The following SOX6 variants were observed in gnomAD, a reference collection of about 807,000 sequenced individuals.
The protein encoded by SOX6 is transcription factor SOX-6.
Under a neutral mutation model 97.8 loss-of-function variants are expected in SOX6, and 11 were observed. That is an observed-to-expected ratio of 0.11 (90% confidence interval 0.07 to 0.19). SOX6 has a LOEUF of 0.19. Among genes scored for constraint, SOX6 ranks in the 10% least tolerant of loss-of-function variants. The pLI, the probability that SOX6 is intolerant of heterozygous loss-of-function variation, is 1.00. For synonymous variants in SOX6, 360 were observed against 371.4 expected (o/e 0.97, Z 0.35); for missense variants, 810 against 1,039.5 (o/e 0.78, Z 3.04).
At chr11:16,103,665 A>G (rs1488634267) in intron 7 of SOX6, among the ~76,000 whole-genome samples, 1 of 151,970 alleles carries the variant, frequency 6.6e-6, no homozygotes. Flanking sequence ...TGGTATATAT[A>G]TATATACACC....
chr11:16,413,889 A>T (rs978671519), intron 1 of SOX6, among the ~76,000 whole-genome samples: 1 of 152,172 alleles, frequency 6.6e-6, no homozygotes, highest in African/African-American at 2.4e-5. Context: ...TCTTGGGTTG[A>T]GTATGCTCAC....
chr11:16,040,479 A>C (rs754603911), intron 12 of SOX6, among the ~76,000 whole-genome samples: 2 of 152,076 alleles, frequency 1.3e-5, no homozygotes, highest in Non-Finnish European at 2.9e-5. Context: ...AACATTAATA[A>C]AACTTACCTT....
At chr11:16,531,509 T>C (rs1861235887) in intron 4 of SOX6, among the ~76,000 whole-genome samples, 1 of 151,946 alleles carries the variant, frequency 6.6e-6, no homozygotes, top group African/African-American at 2.4e-5. Flanking sequence ...TTAATATATA[T>C]ATCAACCCTA....
intron 6 of SOX6, among the ~76,000 whole-genome samples, chr11:16,126,465 G>T (rs143869026): frequency 2.3e-3 from 357 of 152,192 alleles, no homozygotes; most frequent in Non-Finnish European, 3.8e-3. Flanking sequence ...GTCCAGCTGT[G>T]ACTACTTCCC....
intron 4 of SOX6, among the ~76,000 whole-genome samples, chr11:16,609,605 G>A (rs998719731): frequency 2.0e-5 from 3 of 152,172 alleles, no homozygotes; most frequent in African/African-American, 7.2e-5. Context: ...CATTATCTTT[G>A]AAGAAAACGG....
chr11:16,131,007 G>C (rs76392730), intron 6 of SOX6, among the ~76,000 whole-genome samples: 1 of 151,502 alleles, frequency 6.6e-6, no homozygotes, highest in African/African-American at 2.4e-5. Context: ...ACTGAAAAAC[G>C]TCTAGAAGAA....
intron 6 of SOX6, among the ~76,000 whole-genome samples, chr11:16,166,698 T>A (rs1318360772): frequency 6.6e-6 from 1 of 152,036 alleles, no homozygotes; most frequent in Non-Finnish European, 1.5e-5. Context: ...CTTGACTGAG[T>A]CAGGGGAAAG....
rs1439427421 is a variant in SOX6 at position 16,736,902 on chromosome 11, CTTTG to C, written n.220-434_220-431del. On this transcript the variant is annotated intron_variant and non_coding_transcript_variant, in intron 1 of 5. Coordinates refer to the SOX6 transcript ENST00000524520. ...CTTACCACAGAACCATTAAGATGTT[CTTTG>C]TTTGGTTATACTTATAAAATGTAAC... 2.6e-5 allele frequency among the ~76,000 whole-genome samples: 4 copies of C among 152,212 alleles called. No homozygotes were observed. The East Asian group carries it at 7.7e-4, about 29-fold the overall frequency.
At chr11:16,202,639 A>G (rs1851970416) in intron 4 of SOX6, among the ~76,000 whole-genome samples, 1 of 152,190 alleles carries the variant, frequency 6.6e-6, no homozygotes, top group South Asian at 2.1e-4. Flanking sequence ...ATGAGCAGGA[A>G]CACAAAAGAC....
At chr11:16,637,551 A>G (rs1430966108) in intron 3 of SOX6, among the ~76,000 whole-genome samples, 3 of 152,330 alleles carry the variant, frequency 2.0e-5, no homozygotes, top group African/African-American at 4.8e-5. Flanking sequence ...TTATTAAACT[A>G]TAAATTTCCC....
intron 3 of SOX6, among the ~76,000 whole-genome samples, chr11:16,285,209 T>G (rs942031744): frequency 6.6e-6 from 1 of 152,128 alleles, no homozygotes; most frequent in Non-Finnish European, 1.5e-5. Flanking sequence ...AACTGAATGT[T>G]TTAATATTAA....
rs763713850 is a variant in SOX6, at chr11:16,721,500, G to GTCTCTCTCTCTC, written n.354-6607_354-6596dup. 2.4e-4 allele frequency among the ~76,000 whole-genome samples: 7 copies of GTCTCTCTCTCTC among 28,670 alleles called. 1 individual carries two copies. Among genetic ancestry groups the GTCTCTCTCTCTC allele is most frequent in the Admixed American group, 5.9e-4 (1 of 1,698 alleles). 18.8% of individuals were successfully genotyped at this position (28,670 alleles called of 152,430 possible). A position where few individuals can be genotyped will look rare whatever the true frequency, so the allele number is the denominator to read the frequency against. On this transcript the variant is annotated intron_variant and non_coding_transcript_variant, in intron 2 of 5. Coordinates refer to the SOX6 transcript ENST00000524520. ...TCACTGCAATGGGTGGGTCTTTTCT[G>GTCTCTCTCTCTC]TCTCTCTCTCTCTCTCTCTCTCTCT...
chr11:16,018,209 G>T (rs983435596), intron 12 of SOX6, among the ~76,000 whole-genome samples: 1 of 152,082 alleles, frequency 6.6e-6, no homozygotes, highest in Admixed American at 6.6e-5. Context: ...TCATCTTCAC[G>T]TATTATCAGA....
intron 6 of SOX6, among the ~76,000 whole-genome samples, chr11:16,134,062 A>T (rs1372751281): frequency 2.0e-5 from 3 of 152,266 alleles, no homozygotes; most frequent in South Asian, 2.1e-4. Context: ...CTACACTGAT[A>T]TAGTATTGGC....
chr11:16,500,833 T>C (rs895981134), intron 4 of SOX6, among the ~76,000 whole-genome samples: 3 of 152,112 alleles, frequency 2.0e-5, no homozygotes, highest in South Asian at 2.1e-4. Flanking sequence ...TGGAAGAACA[T>C]TCCATGCTCA....
chr11:15,981,221 C>T (rs759711136), intron 15 of SOX6, among the ~76,000 whole-genome samples: 4 of 151,994 alleles, frequency 2.6e-5, no homozygotes, highest in Non-Finnish European at 5.9e-5. Context: ...TTGGGCTTTA[C>T]AAATAATGAA....
chr11:16,245,251 T>G (rs1011215805), intron 3 of SOX6, among the ~76,000 whole-genome samples: 1 of 151,780 alleles, frequency 6.6e-6, no homozygotes, highest in Non-Finnish European at 1.5e-5. Flanking sequence ...TAAAAATGTT[T>G]CATATTGTTA....
chr11:16,070,086 C>T (rs1000587347), intron 9 of SOX6, among the ~76,000 whole-genome samples: 4 of 152,082 alleles, frequency 2.6e-5, no homozygotes, highest in African/African-American at 7.2e-5. Context: ...ACCTGGGAGG[C>T]GGAGCTTGCA....
intron 12 of SOX6, among the ~76,000 whole-genome samples, chr11:16,025,465 A>G (rs931899546): frequency 6.6e-6 from 1 of 152,232 alleles, no homozygotes; most frequent in Non-Finnish European, 1.5e-5. Context: ...ATGAACAAAG[A>G]GTGTCACAAT....
Sources: allele counts gnomAD v4.1 joint callset (sites outside exome capture counted in the v4.1 genomes callset), GRCh38; gene constraint gnomAD v4.1.1; transcripts MANE v1.5; gene names NCBI Gene and HGNC (gene_info 2026-07-23, HGNC 2026-07-21).